Variants in ESRRB observed in about 807,000 individuals in gnomAD.
ESRRB encodes estrogen related receptor beta, also known as steroid hormone receptor ERR2.
In ESRRB, 16 loss-of-function variants were observed where a neutral mutation model predicts 46.0. That is an observed-to-expected ratio of 0.35 (90% CI 0.24 to 0.53). The LOEUF is 0.53. Ranked by LOEUF, ESRRB falls within the 20% of genes least tolerant of loss-of-function variation. ESRRB has a pLI of 0.93. For missense variants in ESRRB, 488 were observed against 607.4 expected (o/e 0.80, Z 2.07); for synonymous variants, 246 against 259.6 (o/e 0.95, Z 0.50).
At chr14:76,440,723 T>TTC (rs558753089) in intron 2 of ESRRB, among the ~76,000 whole-genome samples, 4,328 of 150,072 alleles carry the variant, frequency 0.029, 95 homozygotes, top group Admixed American at 0.044. Context: ...CTCTCTCTCT[T>TTC]TCTCTCTCTC....
At chr14:76,431,094 G>A (rs866582131) in intron 1 of ESRRB, among the ~76,000 whole-genome samples, 13 of 152,282 alleles carry the variant, frequency 8.5e-5, no homozygotes, top group East Asian at 7.7e-4. Context: ...TCAGGAGTTC[G>A]ATACCAGCCT....
chr14:76,499,587 AC>A lies in ESRRB; in HGVS notation c.*1130del. ...GCCACAGGGCTAGTGTACCAGTGCC[AC>A]AGGAGGGGTGCCCTCCTACCACACT... On this transcript the variant is annotated 3_prime_UTR_variant, in exon 7 of 7. Coordinates refer to ENST00000644823, the MANE Select transcript of ESRRB (RefSeq NM_001379180.1). The A allele has an allele frequency of 1.9e-6, 1 of 525,376 alleles. No individual in the cohort carries two copies. Among genetic ancestry groups the A allele is most frequent in the South Asian group, 2.0e-5 (1 of 50,024 alleles). The allele number at this position is 525,376 out of a possible 1,614,324, so 32.5% of individuals were successfully genotyped here. A position where few individuals can be genotyped will look rare whatever the true frequency, so the allele number is the denominator to read the frequency against.
intron 1 of ESRRB, among the ~76,000 whole-genome samples, chr14:76,353,674 G>A (rs923241719): frequency 1.3e-5 from 2 of 152,186 alleles, no homozygotes; most frequent in African/African-American, 4.8e-5. Flanking sequence ...TGTAAGGGCT[G>A]GGTGTGGTGG....
intron 1 of ESRRB, among the ~76,000 whole-genome samples, chr14:76,319,759 C>T (rs983174815): frequency 8.5e-5 from 13 of 152,066 alleles, no homozygotes; most frequent in African/African-American, 1.4e-4. Context: ...TGTCTTTCTT[C>T]GGCACAATCT....
At chr14:76,485,676 A>C (rs906319810) in intron 5 of ESRRB, among the ~76,000 whole-genome samples, 10 of 151,996 alleles carry the variant, frequency 6.6e-5, no homozygotes, top group Admixed American at 3.9e-4. Context: ...AGAGAGAGAG[A>C]GAGAGAGCTG....
At chr14:76,357,003 C>T (rs1005681110) in intron 1 of ESRRB, among the ~76,000 whole-genome samples, 1 of 152,200 alleles carries the variant, frequency 6.6e-6, no homozygotes, top group African/African-American at 2.4e-5. Context: ...CCCCTCTCCT[C>T]CACATGCACC....
chr14:76,455,437 C>T (rs982067807), intron 2 of ESRRB, among the ~76,000 whole-genome samples: 4 of 152,162 alleles, frequency 2.6e-5, no homozygotes, highest in Non-Finnish European at 4.4e-5. Flanking sequence ...CAACCCATCC[C>T]AACACACACA....
At chr14:76,330,389 A>G (rs1420994800) in intron 1 of ESRRB, among the ~76,000 whole-genome samples, 2 of 152,208 alleles carry the variant, frequency 1.3e-5, no homozygotes, top group African/African-American at 2.4e-5. Flanking sequence ...GCATCCCTGC[A>G]CTGTTGTTGG....
intron 6 of ESRRB, chr14:76,495,565 G>A (rs1423261324): frequency 7.8e-6 from 1 of 127,570 alleles, no homozygotes; most frequent in African/African-American, 2.9e-5. Flanking sequence ...TTTTTTTTAA[G>A]TAATGGTTTT....
At chr14:76,397,077 G>A (rs1374498124) in intron 1 of ESRRB, among the ~76,000 whole-genome samples, 2 of 152,226 alleles carry the variant, frequency 1.3e-5, no homozygotes, top group Non-Finnish European at 2.9e-5. Context: ...CCATGACCCT[G>A]GAAAATACCA....
intron 2 of ESRRB, among the ~76,000 whole-genome samples, chr14:76,460,215 C>T (rs561139177): frequency 3.9e-5 from 6 of 152,226 alleles, no homozygotes; most frequent in East Asian, 1.9e-4. Flanking sequence ...CCCTACTACC[C>T]ACCAGGCGAC....
chr14:76,436,126 C>A (rs2139925105), intron 1 of ESRRB, among the ~76,000 whole-genome samples: 1 of 152,344 alleles, frequency 6.6e-6, no homozygotes, highest in East Asian at 1.9e-4. Flanking sequence ...GCTTTGCACC[C>A]TTCTGAATCA....
intron 1 of ESRRB, among the ~76,000 whole-genome samples, chr14:76,402,161 C>G (rs1449749426): frequency 6.6e-6 from 1 of 152,212 alleles, no homozygotes; most frequent in Non-Finnish European, 1.5e-5. Context: ...ACCTGCTTTA[C>G]TTAATTTGCT....
intron 1 of ESRRB, among the ~76,000 whole-genome samples, chr14:76,357,368 T>C (rs1884394935): frequency 6.6e-6 from 1 of 152,184 alleles, no homozygotes. Flanking sequence ...AAGGAAATAA[T>C]TCCAGAGAAG....
At chr14:76,320,496 G>A (rs1463280332) in intron 1 of ESRRB, among the ~76,000 whole-genome samples, 1 of 152,234 alleles carries the variant, frequency 6.6e-6, no homozygotes, top group Non-Finnish European at 1.5e-5. Flanking sequence ...CTGTTTGCCT[G>A]TCTGTTTCCC....
intron 1 of ESRRB, among the ~76,000 whole-genome samples, chr14:76,434,659 C>CAA (rs397964458): frequency 5.3e-4 from 67 of 127,158 alleles, no homozygotes; most frequent in African/African-American, 1.0e-3. Flanking sequence ...GACTCTGTCT[C>CAA]AAAAAAAAAA....
intron 1 of ESRRB, among the ~76,000 whole-genome samples, chr14:76,418,424 A>C (rs911567152): frequency 6.6e-6 from 1 of 152,204 alleles, no homozygotes; most frequent in African/African-American, 2.4e-5. Context: ...ACCTTGGTAC[A>C]TTACTATGAA....
chr14:76,482,757 C>T lies in ESRRB; in HGVS notation c.848C>T (p.Pro283Leu). The change falls in exon 5 of 7, where the codon CCA becomes CTA. Residue 283 changes from proline to leucine, a missense_variant and splice_region_variant. By Grantham distance (98) the Pro-to-Leu change is moderately conservative (BLOSUM62 -3). Transcript: ENST00000644823. This position sits in a 1 kb window ranked among gnomAD's most constrained non-coding sequence, Gnocchi z 4.3. ...VVIIGWAKHI[P>L]GFSSLSLGDQ... ...ATCATTGGCTGGGCCAAGCACATCC[C>T]AGGTGAGCATGTGGGACCAGGGGAG... 1 of 1,614,032 alleles carries T rather than the reference C, an allele frequency of 6.2e-7. No homozygotes were observed. The highest frequency in any genetic ancestry group is 8.5e-7 in the Non-Finnish European group (1 of 1,180,006).
intron 1 of ESRRB, among the ~76,000 whole-genome samples, chr14:76,400,676 C>G (rs1417547115): frequency 6.6e-6 from 1 of 152,168 alleles, no homozygotes; most frequent in East Asian, 1.9e-4. Context: ...TGGCCTAGAA[C>G]CCAGAAACTG....
Sources: allele counts gnomAD v4.1 joint callset (sites outside exome capture counted in the v4.1 genomes callset), GRCh38; gene constraint gnomAD v4.1.1; non-coding constraint Gnocchi (gnomAD v3.1); transcripts MANE v1.5; gene names NCBI Gene and HGNC (gene_info 2026-07-23, HGNC 2026-07-21).